Variants in PNOC observed in about 807,000 individuals in gnomAD.
The protein encoded by PNOC is nociceptin.
In PNOC, 10 loss-of-function variants were observed where a neutral mutation model predicts 15.6. The observed-to-expected ratio is 0.64, with a 90% CI of 0.40 to 1.09. The LOEUF (loss-of-function observed/expected upper bound fraction) is 1.09. Ranked by LOEUF, PNOC falls within the 50% of genes least tolerant of loss-of-function variation. PNOC has a pLI of 0.01. For missense variants in PNOC, 220 were observed against 223.9 expected (o/e 0.98, Z 0.11); for synonymous variants, 98 against 88.5 (o/e 1.11, Z -0.60).
At chr8:28,333,082 T>G (rs1290970271) in intron 2 of PNOC, among the ~76,000 whole-genome samples, 1 of 152,246 alleles carries the variant, frequency 6.6e-6, no homozygotes, top group Non-Finnish European at 1.5e-5. Context: ...TTGTCTTCTA[T>G]GCTCATCTGC....
At chr8:28,332,738 G>A (rs1459258494) in intron 2 of PNOC, among the ~76,000 whole-genome samples, 2 of 152,106 alleles carry the variant, frequency 1.3e-5, no homozygotes, top group East Asian at 3.9e-4. Flanking sequence ...ATCACTTGAG[G>A]CCAGCAGTTC....
rs1369152376 is a variant in PNOC at position 28,327,565 on chromosome 8, C to CTT, written c.-23-1567_-23-1566dup. Among the ~76,000 whole-genome samples, 1,077 of 145,564 alleles carry CTT rather than the reference C, an allele frequency of 7.4e-3. 18 individuals carry two copies. Among genetic ancestry groups the CTT allele is most frequent in the African/African-American group, 0.019 (779 of 40,762 alleles). On this transcript the variant is annotated intron_variant, in intron 1 of 3. Transcript: ENST00000301908. ...GGTGGCTTATAAACAACATAAAATTCTTTTCTTTTTTTTTTTTTTGAGATG... is the reference window on the plus strand; with the variant it reads ...GGTGGCTTATAAACAACATAAAATTCTTTTTTCTTTTTTTTTTTTTTGAGATG...
rs1205739699 is a variant in PNOC at position 28,328,047 on chromosome 8, A to ATC, written c.-23-1076_-23-1075dup. 1.2e-3 allele frequency among the ~76,000 whole-genome samples: 133 copies of ATC among 109,526 alleles called. 4 individuals carry two copies. The highest frequency in any genetic ancestry group is 6.8e-3 in the Admixed American group (65 of 9,562). 71.9% of individuals were successfully genotyped at this position (109,526 alleles called of 152,430 possible). A position where few individuals can be genotyped will look rare whatever the true frequency, so the allele number is the denominator to read the frequency against. ...GATCTCATCATCTCCCAAAGGTTCC[A>ATC]TCTCTCTCTCTCTTTTTTTTTTTTT... is the stretch of plus-strand genomic sequence containing the variant. On this transcript the variant is annotated intron_variant, in intron 1 of 3. Transcript: ENST00000301908.
At chr8:28,335,919 GAA>G (rs113025711) in intron 2 of PNOC, among the ~76,000 whole-genome samples, 1 of 72,460 alleles carries the variant, frequency 1.4e-5, no homozygotes, top group Admixed American at 1.3e-4. Context: ...GTCTCCAAAG[GAA>G]AAAAAAAAAA....
rs1052331057 is a variant in PNOC at position 28,318,211 on chromosome 8, C to T, written c.-24+895C>T. Reference sequence around the variant, plus strand: ...GCTTCCCCGGCTTCACTACCCAGCCCCTCCTCCCCGAATCTCGCTCTGAAC... The same window carrying T: ...GCTTCCCCGGCTTCACTACCCAGCCTCTCCTCCCCGAATCTCGCTCTGAAC... On this transcript the variant is annotated intron_variant, in intron 1 of 3. Transcript: ENST00000301908. Among the ~76,000 whole-genome samples the T allele has an allele frequency of 1.6e-4, 24 of 152,138 alleles. 1 individual carries two copies. The highest frequency in any genetic ancestry group is 5.3e-4 in the African/African-American group (22 of 41,416).
At chr8:28,340,914 C>T (rs1801507656) in intron 3 of PNOC, among the ~76,000 whole-genome samples, 1 of 152,200 alleles carries the variant, frequency 6.6e-6, no homozygotes, top group Non-Finnish European at 1.5e-5. Context: ...CCACTAGGCC[C>T]ACCTCCAACA....
intron 1 of PNOC, among the ~76,000 whole-genome samples, chr8:28,320,791 C>T (rs1048579393): frequency 1.9e-4 from 27 of 145,804 alleles, no homozygotes; most frequent in Non-Finnish European, 3.6e-4. Context: ...GTGGAGGTTG[C>T]GGTGAGCCGA....
At chr8:28,335,786 C>A (rs1351456505) in intron 2 of PNOC, among the ~76,000 whole-genome samples, 1 of 152,160 alleles carries the variant, frequency 6.6e-6, no homozygotes, top group Non-Finnish European at 1.5e-5. Context: ...GCCTCAGCCT[C>A]CCAAAGTGCT....
At chr8:28,342,772 G>T (rs1327585990) in intron 3 of PNOC, among the ~76,000 whole-genome samples, 170 bp from the exon 4 acceptor site, 1 of 152,342 alleles carries the variant, frequency 6.6e-6, no homozygotes, top group East Asian at 1.9e-4. Context: ...GGGGCTGGGG[G>T]AGCAGATGTG....
intron 3 of PNOC, among the ~76,000 whole-genome samples, chr8:28,342,476 T>G (rs781429713): frequency 6.6e-6 from 1 of 152,164 alleles, no homozygotes; most frequent in Non-Finnish European, 1.5e-5. Context: ...CTTAGGGTTC[T>G]GCCTTCCTTT....
chr8:28,335,694 A>AT (rs1801400001), intron 2 of PNOC, among the ~76,000 whole-genome samples: 1 of 151,964 alleles, frequency 6.6e-6, no homozygotes, highest in Non-Finnish European at 1.5e-5. Context: ...CGCCCAGCTT[A>AT]TTTTTTGTAT....
intron 2 of PNOC, among the ~76,000 whole-genome samples, chr8:28,330,290 T>C (rs532378426): frequency 6.6e-6 from 1 of 152,086 alleles, no homozygotes; most frequent in South Asian, 2.1e-4. Flanking sequence ...GCAGATTTAG[T>C]ATCCTGAAAC....
At chr8:28,320,121 T>TTTC (rs11441645) in intron 1 of PNOC, among the ~76,000 whole-genome samples, 1 of 127,598 alleles carries the variant, frequency 7.8e-6, no homozygotes, top group Admixed American at 7.7e-5. Flanking sequence ...TTTTTTTTTT[T>TTTC]CAAAATACTG....
chr8:28,339,406 C>G lies in PNOC; in HGVS notation c.493C>G (p.Gln165Glu). The G allele has an allele frequency of 6.4e-7, 1 of 1,553,352 alleles. No individual in the cohort carries two copies. Reference protein sequence around the residue: ...QYLVLSMQSSQRRRTLHQNGN... With the variant: ...QYLVLSMQSSERRRTLHQNGN... ...CTTGGTCCTGAGCATGCAGTCCAGC[C>G]AGCGCCGGCGCACCCTGCACCAGAA... The change falls in exon 3 of 4, where the codon CAG becomes GAG. Residue 165 changes from glutamine (Q) to glutamate (E), a missense_variant. By Grantham distance (29) the Gln-to-Glu change is conservative (BLOSUM62 2). Coordinates refer to ENST00000301908, the MANE Select transcript of PNOC (RefSeq NM_006228.5).
Position 28,330,396 on chromosome 8 carries a change from A to ATTTTAT in PNOC, c.126+1117_126+1118insATTTTT, listed in dbSNP as rs377288105. Among the ~76,000 whole-genome samples, 65 of 80,450 alleles carry ATTTTAT rather than the reference A, an allele frequency of 8.1e-4. 1 individual carries two copies. Among genetic ancestry groups the ATTTTAT allele is most frequent in the South Asian group, 2.3e-3 (5 of 2,162 alleles). The allele number at this position is 80,450 out of a possible 152,430, so 52.8% of individuals were successfully genotyped here. ...ATTTTATTTTATTTTATTTTATTTT[A>ATTTTAT]TTTTTTTTTTTTTTTTGAGACGGAG... On this transcript the variant is annotated intron_variant, in intron 2 of 3. Coordinates refer to ENST00000301908, the MANE Select transcript of PNOC (RefSeq NM_006228.5).
At chr8:28,321,756 G>A (rs577039547) in intron 1 of PNOC, among the ~76,000 whole-genome samples, 3 of 152,168 alleles carry the variant, frequency 2.0e-5, no homozygotes, top group Non-Finnish European at 2.9e-5. Flanking sequence ...GCTCTCACGC[G>A]TTCATTTCTC....
Position 28,343,119 on chromosome 8 carries a change from T to C in PNOC, c.*225T>C. ...CCCCTGGCATGTTTCACCACAACCC[T>C]GTTGCTACATCAGAGTGTATTTTTG... On this transcript the variant is annotated 3_prime_UTR_variant, in exon 4 of 4. Transcript: ENST00000301908. 2.9e-6 allele frequency: 1 copy of C among 346,334 alleles called. No individual in the cohort carries two copies. The highest frequency in any genetic ancestry group is 4.1e-6 in the Non-Finnish European group (1 of 245,122). 21.5% of individuals were successfully genotyped at this position (346,334 alleles called of 1,614,324 possible). A position where few individuals can be genotyped will look rare whatever the true frequency, so the allele number is the denominator to read the frequency against.
chr8:28,341,840 T>C (rs1432542486), intron 3 of PNOC, among the ~76,000 whole-genome samples: 1 of 152,198 alleles, frequency 6.6e-6, no homozygotes, highest in Non-Finnish European at 1.5e-5. Context: ...TGAGTTCCAA[T>C]ATGGATATTT....
At position 28,343,044 on chromosome 8, in the gene PNOC, C is replaced by A. The variant is rs1001024104; in HGVS notation, c.*150C>A. The stretch of plus-strand genomic sequence containing the variant: ...AGGCACTGAGCGCCTGCAGATCCCG[C>A]AGGCTTCGTTTGCCTCCAGAACCTT... On this transcript the variant is annotated 3_prime_UTR_variant, in exon 4 of 4. Transcript: ENST00000301908. 9 of 978,718 alleles carry A rather than the reference C, an allele frequency of 9.2e-6. No individual in the cohort carries two copies. The highest frequency in any genetic ancestry group is 9.7e-6 in the Non-Finnish European group (8 of 823,696). 60.6% of individuals were successfully genotyped at this position (978,718 alleles called of 1,614,324 possible). A position where few individuals can be genotyped will look rare whatever the true frequency, so the allele number is the denominator to read the frequency against.
Sources: gnomAD v4.1 joint callset for allele counts (sites outside exome capture counted in the v4.1 genomes callset) on GRCh38, gnomAD v4.1.1 for gene constraint, MANE v1.5 for transcripts, NCBI Gene and HGNC (gene_info 2026-07-23, HGNC 2026-07-21) for gene names.